BIRC3: variants seen among roughly 807,000 people sequenced by gnomAD.
The protein encoded by BIRC3 is baculoviral IAP repeat containing 3.
A neutral mutation model predicts 59.0 loss-of-function variants in BIRC3; 26 were observed. The ratio of observed to expected loss-of-function variants is 0.44; its 90% CI spans 0.32 to 0.61. The LOEUF (loss-of-function observed/expected upper bound fraction) is 0.61. Among genes scored for constraint, BIRC3 ranks in the 20% least tolerant of loss-of-function variants. The probability of loss-of-function intolerance (pLI) is 0.04; values close to 1 mark genes in which losing one functional copy is unlikely to be tolerated. For missense variants in BIRC3, 641 were observed against 711.5 expected (o/e 0.90, Z 1.13); for synonymous variants, 243 against 249.2 (o/e 0.98, Z 0.24).
rs1366695445 is a variant in BIRC3 at position 102,323,167 on chromosome 11, ACT to A, written c.-1340_-1339del. On this transcript the variant is annotated 5_prime_UTR_variant, in exon 2 of 9. It removes the in-frame stop codon of an upstream open reading frame in the 5' UTR. Coordinates refer to ENST00000263464, the MANE Select transcript of BIRC3 (RefSeq NM_001165.5). ...TTTTCAGGAGGTGATAAGTTGAATA[ACT>A]CTACAATGTTAGTTCTTTGAGGGGG... The A allele has an allele frequency of 1.0e-5, 2 of 199,870 alleles. No individual in the cohort carries two copies. The highest frequency in any genetic ancestry group is 7.8e-5 in the East Asian group (1 of 12,872). The allele number at this position is 199,870 out of a possible 1,614,324, so 12.4% of individuals were successfully genotyped here.
chr11:102,336,258 T>C, intron 7 of BIRC3, 38 bp downstream of exon 7: 1 of 1,539,460 alleles, frequency 6.5e-7, no homozygotes, highest in Non-Finnish European at 8.7e-7. Flanking sequence ...ATTTTCTAAG[T>C]CAATTGAAAA....
At chr11:102,333,927 C>A (rs1004872329) in intron 6 of BIRC3, among the ~76,000 whole-genome samples, 2 of 151,972 alleles carry the variant, frequency 1.3e-5, no homozygotes, top group Non-Finnish European at 2.9e-5. Flanking sequence ...GTGGCGAGAC[C>A]CCATCACTAC....
At position 102,325,583 on chromosome 11, in the gene BIRC3, C is replaced by T. The variant is rs1183518001; in HGVS notation, c.953+18C>T. The T allele has an allele frequency of 1.2e-6, 2 of 1,605,066 alleles. No individual in the cohort carries two copies. The highest frequency in any genetic ancestry group is 2.7e-5 in the African/African-American group (2 of 74,696). ...TTTCCAAGGTAATTGTTTTGAAATTCTCTTTGCAAATTCTTGTGATTATCA... is the reference window on the plus strand; with the variant it reads ...TTTCCAAGGTAATTGTTTTGAAATTTTCTTTGCAAATTCTTGTGATTATCA... On this transcript the variant is annotated intron_variant, in intron 3 of 8. Coordinates refer to ENST00000263464, the MANE Select transcript of BIRC3 (RefSeq NM_001165.5).
intron 1 of BIRC3, among the ~76,000 whole-genome samples, chr11:102,320,782 A>G (rs1161392112): frequency 6.6e-6 from 1 of 152,244 alleles, no homozygotes; most frequent in Admixed American, 6.5e-5. Context: ...GTGCCAGTTC[A>G]ATGACAAATA....
rs17878903 is a variant in BIRC3, at chr11:102,330,807, T to C, written c.1082-192T>C. Among the ~76,000 whole-genome samples, 224 of 152,354 alleles carry C rather than the reference T, an allele frequency of 1.5e-3. 1 individual carries two copies. The highest frequency in any genetic ancestry group is 2.5e-3 in the Admixed American group (38 of 15,298). The stretch of plus-strand genomic sequence containing the variant: ...TTGCATCTAAGTACAATATTCCAAG[T>C]TGTTATTTAATGACTGAACGTGTAT... On this transcript the variant is annotated intron_variant, in intron 5 of 8. Coordinates refer to ENST00000263464, the MANE Select transcript of BIRC3 (RefSeq NM_001165.5).
intron 1 of BIRC3, among the ~76,000 whole-genome samples, chr11:102,321,427 C>T (rs1385638156): frequency 6.6e-6 from 1 of 152,016 alleles, no homozygotes; most frequent in Non-Finnish European, 1.5e-5. Context: ...CTATTTCGGC[C>T]CACTGCAACC....
intron 6 of BIRC3, among the ~76,000 whole-genome samples, chr11:102,332,640 G>A (rs1474149869): frequency 6.6e-6 from 1 of 152,210 alleles, no homozygotes; most frequent in African/African-American, 2.4e-5. Context: ...ATGATTGACA[G>A]TCAGATTGTC....
chr11:102,325,230 G>C lies in BIRC3; in HGVS notation c.721G>C (p.Asp241His). The change falls in exon 2 of 9, where the codon GAC (aspartate) becomes CAC (histidine). Residue 241 changes from aspartate (D) to histidine (H), a missense_variant. Coordinates refer to ENST00000263464, the MANE Select transcript of BIRC3 (RefSeq NM_001165.5). ...KCPFIENQLQDTSRYTVSNLS... is the reference protein window; with the variant it reads ...KCPFIENQLQHTSRYTVSNLS... ...CCCATTTATAGAAAATCAGCTTCAA[G>C]ACACTTCAAGATACACAGTTTCTAA... The C allele has an allele frequency of 6.2e-7, 1 of 1,614,068 alleles. No homozygotes were observed. The highest frequency in any genetic ancestry group is 1.1e-5 in the South Asian group (1 of 91,078).
intron 3 of BIRC3, among the ~76,000 whole-genome samples, chr11:102,326,229 A>G (rs1264069545): frequency 6.6e-6 from 1 of 152,254 alleles, no homozygotes; most frequent in African/African-American, 2.4e-5. Flanking sequence ...AATAAGTTCT[A>G]TAGCATGTTG....
At chr11:102,319,836 G>C (rs1022838412) in intron 1 of BIRC3, 9 of 152,228 alleles carry the variant, frequency 5.9e-5, no homozygotes, top group African/African-American at 2.2e-4. Flanking sequence ...AAGTGATCTA[G>C]GGTTGACATC....
At chr11:102,318,503 T>C (rs1950996536) in intron 1 of BIRC3, among the ~76,000 whole-genome samples, 1 of 152,214 alleles carries the variant, frequency 6.6e-6, no homozygotes, top group Non-Finnish European at 1.5e-5. Flanking sequence ...GCAGATGCTA[T>C]GAGTGGGAGG....
At chr11:102,335,351 T>C (rs574476601) in intron 6 of BIRC3, among the ~76,000 whole-genome samples, 1 of 152,274 alleles carries the variant, frequency 6.6e-6, no homozygotes, top group African/African-American at 2.4e-5. Flanking sequence ...CTAGATTGAA[T>C]TGAAACGTCA....
chr11:102,317,623 GTA>G (rs1950982989), intron 1 of BIRC3, 52 bp downstream of exon 1: 4 of 153,412 alleles, frequency 2.6e-5, no homozygotes, highest in African/African-American at 7.2e-5. Context: ...GTGTGTGTGT[GTA>G]TGTGTGCGCG....
chr11:102,324,813 G>A lies in BIRC3; in HGVS notation c.304G>A (p.Val102Ile), dbSNP rs922637067. 3 of 1,614,040 alleles carry A rather than the reference G, an allele frequency of 1.9e-6. No homozygotes were observed. The highest frequency in any genetic ancestry group is 2.2e-5 in the East Asian group (1 of 44,900). Residue 102 changes from valine to isoleucine, a missense_variant, in exon 2 of 9, where the codon GTT becomes ATT. Coordinates refer to ENST00000263464, the MANE Select transcript of BIRC3 (RefSeq NM_001165.5). ...SCRFVQSLNS[V>I]NNLEATSQPT... ...CAGATTCGTTCAGAGTCTAAATTCC[G>A]TTAACAACTTGGAAGCTACCTCTCA...
chr11:102,318,861 T>A (rs2135780188), intron 1 of BIRC3, among the ~76,000 whole-genome samples: 1 of 152,154 alleles, frequency 6.6e-6, no homozygotes, highest in East Asian at 1.9e-4. Context: ...TCCATTGGTT[T>A]TAGCAAAAAA....
At chr11:102,329,121 G>A (rs971738846) in intron 5 of BIRC3, among the ~76,000 whole-genome samples, 176 bp downstream of exon 5, 3 of 152,096 alleles carry the variant, frequency 2.0e-5, no homozygotes, top group African/African-American at 4.8e-5. Flanking sequence ...GTTGCCTGGA[G>A]AACTTTAAAA....
intron 1 of BIRC3, among the ~76,000 whole-genome samples, chr11:102,319,342 G>A (rs1229002526): frequency 2.0e-5 from 3 of 152,104 alleles, no homozygotes; most frequent in African/African-American, 4.8e-5. Flanking sequence ...CACCACACCC[G>A]GCCGAAAGAG....
rs1434288359 is a variant in BIRC3, at chr11:102,324,504, T to G, written c.-6T>G. 1.9e-6 allele frequency: 3 copies of G among 1,595,530 alleles called. No homozygotes were observed. The African/African-American group carries it at 4.0e-5, about 22-fold the overall frequency. On this transcript the variant is annotated 5_prime_UTR_variant, in exon 2 of 9. The change creates a new upstream start codon in the 5' untranslated region. Transcript: ENST00000263464. ...CTAGTCCCTTTTCTTCCCCATTCAT[T>G]TCATTATGAACATAGTAGAAAACAG...
chr11:102,334,700 A>G (rs1449670837), intron 6 of BIRC3, among the ~76,000 whole-genome samples: 2 of 152,220 alleles, frequency 1.3e-5, no homozygotes. Flanking sequence ...TTCATAAGTT[A>G]TATTCCAAAG....
Sources: gnomAD v4.1 joint callset for allele counts (sites outside exome capture counted in the v4.1 genomes callset) on GRCh38, gnomAD v4.1.1 for gene constraint, MANE v1.5 for transcripts, NCBI Gene and HGNC (gene_info 2026-07-23, HGNC 2026-07-21) for gene names.